The following KIF26B variants were observed in gnomAD, a reference collection of about 807,000 sequenced individuals.
KIF26B encodes the protein kinesin family member 26B, also known as kinesin-like protein KIF26B.
In KIF26B, 63 loss-of-function variants were observed where a neutral mutation model predicts 151.2. That is an observed-to-expected ratio of 0.42 (90% CI 0.34 to 0.51). The LOEUF is 0.51. KIF26B is among the 20% of genes least tolerant of loss of function. KIF26B has a pLI of 0.07. For missense variants in KIF26B, 2,813 were observed against 2,913.6 expected (o/e 0.97, Z 0.79); for synonymous variants, 1,357 against 1,262.1 (o/e 1.08, Z -1.59).
At chr1:245,202,899 C>G (rs1669327740) in intron 2 of KIF26B, among the ~76,000 whole-genome samples, 1 of 150,928 alleles carries the variant, frequency 6.6e-6, no homozygotes, top group African/African-American at 2.4e-5. Flanking sequence ...CGAGATCCCA[C>G]TACTGCACTC....
chr1:245,285,620 A>G (rs1379616606), intron 2 of KIF26B, among the ~76,000 whole-genome samples: 2 of 144,464 alleles, frequency 1.4e-5, no homozygotes, highest in African/African-American at 5.3e-5. Flanking sequence ...GATATTCCAG[A>G]TGAGATATTT....
chr1:245,545,572 C>T (rs1167391568), intron 5 of KIF26B, among the ~76,000 whole-genome samples: 1 of 152,162 alleles, frequency 6.6e-6, no homozygotes, highest in African/African-American at 2.4e-5. Context: ...ATATGAAGGA[C>T]AATCTGATTT....
At chr1:245,343,527 G>A (rs1017471812) in intron 2 of KIF26B, among the ~76,000 whole-genome samples, 2 of 152,204 alleles carry the variant, frequency 1.3e-5, no homozygotes, top group Non-Finnish European at 2.9e-5. Flanking sequence ...TAAAGTTCAT[G>A]CTAAATTCTT....
chr1:245,557,109 GC>G (rs1380386998), intron 5 of KIF26B, among the ~76,000 whole-genome samples: 1 of 152,232 alleles, frequency 6.6e-6, no homozygotes, highest in Non-Finnish European at 1.5e-5. Context: ...AAAGTGCCAG[GC>G]CATGTATGTG....
At chr1:245,559,023 A>T (rs1662104015) in intron 5 of KIF26B, among the ~76,000 whole-genome samples, 2 of 152,180 alleles carry the variant, frequency 1.3e-5, no homozygotes, top group Non-Finnish European at 2.9e-5. Flanking sequence ...GTGTTTTCTC[A>T]GTCTTTGTGT....
At chr1:245,359,486 G>A (rs1241397830) in intron 2 of KIF26B, among the ~76,000 whole-genome samples, 5 of 152,202 alleles carry the variant, frequency 3.3e-5, no homozygotes, top group African/African-American at 1.2e-4. Context: ...GGCTGTTAGA[G>A]TGAGAAGCAT....
chr1:245,343,764 G>A (rs896282751), intron 2 of KIF26B, among the ~76,000 whole-genome samples: 1 of 152,210 alleles, frequency 6.6e-6, no homozygotes, highest in Non-Finnish European at 1.5e-5. Context: ...AATTCATGAA[G>A]CTGCAACCTT....
intron 2 of KIF26B, among the ~76,000 whole-genome samples, chr1:245,198,883 A>AC (rs1386319211): frequency 1.0e-4 from 5 of 49,614 alleles, no homozygotes; most frequent in African/African-American, 3.7e-4. Context: ...TCTAATGTAG[A>AC]CCGGGGGGTC....
At chr1:245,371,892 T>G (rs1348233296) in intron 3 of KIF26B, among the ~76,000 whole-genome samples, 1 of 152,186 alleles carries the variant, frequency 6.6e-6, no homozygotes, top group East Asian at 1.9e-4. Context: ...AAGATAATTC[T>G]CATTAAATAT....
At chr1:245,404,391 C>G (rs1231119929) in intron 3 of KIF26B, among the ~76,000 whole-genome samples, 1 of 152,122 alleles carries the variant, frequency 6.6e-6, no homozygotes, top group Non-Finnish European at 1.5e-5. Context: ...GGGTCCAACT[C>G]TGAGAATAGA....
intron 2 of KIF26B, among the ~76,000 whole-genome samples, chr1:245,286,015 A>C (rs899664678): frequency 6.8e-6 from 1 of 147,624 alleles, no homozygotes; most frequent in African/African-American, 2.5e-5. Flanking sequence ...AAAAAAAAAA[A>C]GGAAAAGAAA....
intron 4 of KIF26B, among the ~76,000 whole-genome samples, chr1:245,430,404 C>T (rs1658748905): frequency 6.6e-6 from 1 of 151,572 alleles, no homozygotes; most frequent in Non-Finnish European, 1.5e-5. Flanking sequence ...TGGCTCACAA[C>T]TTGTAATCCC....
chr1:245,173,714 T>C (rs191201547), intron 2 of KIF26B, among the ~76,000 whole-genome samples: 4 of 152,330 alleles, frequency 2.6e-5, no homozygotes, highest in African/African-American at 7.2e-5. Flanking sequence ...CTATTGAGAA[T>C]TGGGGCCAGG....
chr1:245,444,910 A>G (rs190084438), intron 4 of KIF26B, among the ~76,000 whole-genome samples: 19 of 152,336 alleles, frequency 1.2e-4, no homozygotes, highest in Admixed American at 1.2e-3. Flanking sequence ...AAAAAATTAT[A>G]TAGCGTATAA....
At chr1:245,432,059 C>A (rs1658794718) in intron 4 of KIF26B, among the ~76,000 whole-genome samples, 1 of 152,002 alleles carries the variant, frequency 6.6e-6, no homozygotes, top group South Asian at 2.1e-4. Context: ...TCAAATGCCA[C>A]TTCCTTGGTA....
chr1:245,683,161 G>C (rs2044461967), intron 10 of KIF26B, among the ~76,000 whole-genome samples: 1 of 152,196 alleles, frequency 6.6e-6, no homozygotes, highest in South Asian at 2.1e-4. Context: ...AGTGGCCTGA[G>C]TCTCCCATAG....
intron 2 of KIF26B, among the ~76,000 whole-genome samples, chr1:245,184,050 G>GTTTTTTTTTTTTTTTTTTTTTT (rs758993117): frequency 0.015 from 303 of 19,784 alleles, 104 homozygotes; most frequent in East Asian, 0.031. Flanking sequence ...GGGAGTTGTT[G>GTTTTTTTTTTTTTTTTTTTTTT]TTTTTTTTTT....
intron 3 of KIF26B, among the ~76,000 whole-genome samples, chr1:245,379,933 T>C (rs1161052416): frequency 2.0e-5 from 3 of 150,114 alleles, no homozygotes; most frequent in African/African-American, 7.4e-5. Context: ...ATTGTGCCAT[T>C]GCACTCCAGC....
At chr1:245,181,202 C>T (rs1047601300) in intron 2 of KIF26B, among the ~76,000 whole-genome samples, 4 of 152,098 alleles carry the variant, frequency 2.6e-5, no homozygotes, top group Non-Finnish European at 1.5e-5. Context: ...CCCGATTTCC[C>T]CCCCTTCTTT....
Sources: gnomAD v4.1 joint callset for allele counts (sites outside exome capture counted in the v4.1 genomes callset) on GRCh38, gnomAD v4.1.1 for gene constraint, MANE v1.5 for transcripts, NCBI Gene and HGNC (gene_info 2026-07-23, HGNC 2026-07-21) for gene names.